The following RNF38 variants were observed in gnomAD, a reference collection of about 807,000 sequenced individuals.
RNF38 encodes the protein E3 ubiquitin-protein ligase RNF38.
Under a neutral mutation model 67.2 loss-of-function variants are expected in RNF38, and 15 were observed. The ratio of observed to expected loss-of-function variants is 0.22; its 90% CI spans 0.15 to 0.34. RNF38 has a LOEUF of 0.34. RNF38 is among the 10% of genes least tolerant of loss of function. The pLI is 1.00. For missense variants in RNF38, 524 were observed against 639.9 expected, an observed-to-expected ratio of 0.82 and a Z score of 1.95; for synonymous variants, 220 against 218.8, an observed-to-expected ratio of 1.01 and a Z score of -0.05.
chr9:36,390,000 A>T (rs1032952323), intron 2 of RNF38, among the ~76,000 whole-genome samples: 21 of 152,088 alleles, frequency 1.4e-4, no homozygotes, highest in Admixed American at 2.0e-4. Flanking sequence ...TTTTATATTT[A>T]AAAAAAAATT....
At chr9:36,342,295 T>C (rs1336359621) in intron 11 of RNF38, 30 bp downstream of exon 11, 2 of 1,448,120 alleles carry the variant, frequency 1.4e-6, no homozygotes, top group African/African-American at 1.4e-5. Context: ...AAATTCAATG[T>C]CATTTCCTTT....
chr9:36,437,219 A>G (rs1410668628), intron 1 of RNF38, among the ~76,000 whole-genome samples: 1 of 152,228 alleles, frequency 6.6e-6, no homozygotes, highest in Non-Finnish European at 1.5e-5. Flanking sequence ...GCCCCTCCCC[A>G]ACCAACATCA....
At chr9:36,388,913 G>A (rs1836852584) in intron 2 of RNF38, among the ~76,000 whole-genome samples, 1 of 152,068 alleles carries the variant, frequency 6.6e-6, no homozygotes, top group Admixed American at 6.6e-5. Context: ...TGGTAACTAA[G>A]TTTTTAAGGA....
chr9:36,480,027 G>C (rs1006513875), intron 1 of RNF38, among the ~76,000 whole-genome samples: 2 of 152,112 alleles, frequency 1.3e-5, no homozygotes, highest in Non-Finnish European at 2.9e-5. Flanking sequence ...CGCCCAGGCT[G>C]GAGTGCAGTG....
At chr9:36,464,943 G>A (rs1455941166) in intron 1 of RNF38, among the ~76,000 whole-genome samples, 1 of 152,168 alleles carries the variant, frequency 6.6e-6, no homozygotes, top group Non-Finnish European at 1.5e-5. Flanking sequence ...TTAGTGCTCT[G>A]CCTCTGACAG....
intron 4 of RNF38, among the ~76,000 whole-genome samples, chr9:36,362,878 C>T (rs1371608335): frequency 2.0e-5 from 3 of 148,088 alleles, no homozygotes; most frequent in African/African-American, 4.9e-5. Context: ...GTGATCTGTC[C>T]GCCTCGGCCT....
chr9:36,358,714 TATG>T (rs1407230966), intron 4 of RNF38, among the ~76,000 whole-genome samples: 3 of 152,080 alleles, frequency 2.0e-5, no homozygotes, highest in Non-Finnish European at 4.4e-5. Context: ...ACTGAAAAAA[TATG>T]ATATTAGTTT....
At chr9:36,352,309 TA>T (rs1251818967) in intron 8 of RNF38, among the ~76,000 whole-genome samples, 45 of 140,688 alleles carry the variant, frequency 3.2e-4, no homozygotes, top group Non-Finnish European at 3.0e-4. Context: ...CATCTCAAAT[TA>T]AAAAAAAAAA....
chr9:36,412,731 T>C (rs1838358184), intron 2 of RNF38, among the ~76,000 whole-genome samples: 1 of 152,136 alleles, frequency 6.6e-6, no homozygotes, highest in South Asian at 2.1e-4. Flanking sequence ...AGGTCAGGAA[T>C]TCAAGACCAG....
chr9:36,476,390 G>C (rs1237691168), intron 1 of RNF38, among the ~76,000 whole-genome samples: 1 of 151,798 alleles, frequency 6.6e-6, no homozygotes, highest in Non-Finnish European at 1.5e-5. Context: ...AGGATTATAG[G>C]CATGAGCCAC....
intron 9 of RNF38, among the ~76,000 whole-genome samples, chr9:36,347,227 T>C (rs954577814): frequency 6.6e-6 from 1 of 151,264 alleles, no homozygotes; most frequent in Non-Finnish European, 1.5e-5. Flanking sequence ...TAATGATCTT[T>C]TATATCTCTT....
chr9:36,400,865 A>G (rs1837971290), upstream of RNF38: 1 of 982,750 alleles, frequency 1.0e-6, no homozygotes, highest in Non-Finnish European at 1.2e-6. Context: ...CCGTCCCGCA[A>G]CACCGCACTA....
chr9:36,427,656 CCTCTATCTATCTATCTAT>C (rs1188109147), intron 1 of RNF38, among the ~76,000 whole-genome samples: 1 of 136,228 alleles, frequency 7.3e-6, no homozygotes, highest in East Asian at 2.4e-4. Context: ...AATTTCCCAG[CCTCTATCTATCTATCTAT>C]CTATCTATCT....
At chr9:36,436,711 T>C (rs1341667511) in intron 1 of RNF38, among the ~76,000 whole-genome samples, 1 of 150,020 alleles carries the variant, frequency 6.7e-6, no homozygotes, top group East Asian at 2.0e-4. Context: ...TAGTCCCAGC[T>C]ACTTGGGAGG....
intron 1 of RNF38, among the ~76,000 whole-genome samples, chr9:36,429,573 G>GT (rs1381408090): frequency 6.6e-6 from 1 of 152,162 alleles, no homozygotes; most frequent in Non-Finnish European, 1.5e-5. Flanking sequence ...GAAGTCAGGA[G>GT]TTTGAGACCA....
At chr9:36,348,189 G>A (rs1055488993) in intron 9 of RNF38, among the ~76,000 whole-genome samples, 1 of 151,586 alleles carries the variant, frequency 6.6e-6, no homozygotes, top group Non-Finnish European at 1.5e-5. Flanking sequence ...TGTTCTAAAG[G>A]CAAAGGCAAA....
At chr9:36,386,617 G>C (rs564204710) in intron 2 of RNF38, among the ~76,000 whole-genome samples, 20 of 152,290 alleles carry the variant, frequency 1.3e-4, no homozygotes, top group African/African-American at 4.6e-4. Context: ...CACAGGATGA[G>C]ATAGGAGGTC....
chr9:36,446,845 G>A (rs1032082653), intron 1 of RNF38, among the ~76,000 whole-genome samples: 2 of 132,774 alleles, frequency 1.5e-5, no homozygotes, highest in East Asian at 4.5e-4. Context: ...AAAAAGTCAG[G>A]CATGGTGGCT....
At chr9:36,394,912 A>G (rs1837405475) in intron 1 of RNF38, among the ~76,000 whole-genome samples, 1 of 152,214 alleles carries the variant, frequency 6.6e-6, no homozygotes, top group Non-Finnish European at 1.5e-5. Flanking sequence ...TCAGCATTAC[A>G]GATTTGCTAA....
Sources: allele counts gnomAD v4.1 joint callset (sites outside exome capture counted in the v4.1 genomes callset), GRCh38; gene constraint gnomAD v4.1.1; transcripts MANE v1.5; gene names NCBI Gene and HGNC (gene_info 2026-07-23, HGNC 2026-07-21).